Variants in AUTS2 observed in about 807,000 individuals in gnomAD.
AUTS2 encodes the protein autism susceptibility gene 2 protein.
AUTS2 carries 17 observed loss-of-function variants against 112.4 expected under a neutral mutation model. The observed-to-expected ratio is 0.15, with a 90% CI of 0.10 to 0.23. The LOEUF (loss-of-function observed/expected upper bound fraction) is 0.23, where lower values mean the gene tolerates loss of function less well. Ranked by LOEUF, AUTS2 falls within the 10% of genes least tolerant of loss-of-function variation. The pLI is 1.00. For missense variants in AUTS2, 1,510 were observed against 1,701.6 expected (o/e 0.89, Z 1.98); for synonymous variants, 751 against 702.7 (o/e 1.07, Z -1.09).
intron 4 of AUTS2, among the ~76,000 whole-genome samples, chr7:70,193,095 C>T (rs1329895530): frequency 6.6e-6 from 1 of 152,174 alleles, no homozygotes; most frequent in African/African-American, 2.4e-5. Context: ...TCATAGATGG[C>T]ATTCCACTAC....
chr7:69,736,658 G>A (rs981611674), intron 1 of AUTS2, among the ~76,000 whole-genome samples: 1 of 152,190 alleles, frequency 6.6e-6, no homozygotes, highest in African/African-American at 2.4e-5. Flanking sequence ...CAGGCTGTAA[G>A]TCAGCATGGA....
At chr7:69,875,147 G>T (rs369566394) in intron 1 of AUTS2, among the ~76,000 whole-genome samples, 1 of 150,086 alleles carries the variant, frequency 6.7e-6, no homozygotes, top group African/African-American at 2.5e-5. Flanking sequence ...TGAGCTTTTT[G>T]CTCTCTTTTA....
At chr7:69,843,448 T>G (rs1236457074) in intron 1 of AUTS2, among the ~76,000 whole-genome samples, 1 of 152,104 alleles carries the variant, frequency 6.6e-6, no homozygotes, top group Non-Finnish European at 1.5e-5. Flanking sequence ...TTAGAGAAGA[T>G]TATAAACTCC....
intron 6 of AUTS2, among the ~76,000 whole-genome samples, chr7:70,724,878 T>G (rs774869362): frequency 1.3e-5 from 2 of 152,232 alleles, no homozygotes; most frequent in Non-Finnish European, 2.9e-5. Context: ...CATTACAAGG[T>G]GTACCATTGA....
At chr7:70,136,222 T>C (rs1806554327) in intron 4 of AUTS2, among the ~76,000 whole-genome samples, 1 of 152,188 alleles carries the variant, frequency 6.6e-6, no homozygotes, top group Non-Finnish European at 1.5e-5. Context: ...TGGATGAGTA[T>C]AAAAGTTTTC....
intron 5 of AUTS2, among the ~76,000 whole-genome samples, chr7:70,576,010 C>T (rs560821625): frequency 3.3e-5 from 5 of 152,272 alleles, no homozygotes; most frequent in African/African-American, 7.2e-5. Context: ...TATTTATGGT[C>T]AGTGCTTCAT....
At chr7:70,114,039 G>C (rs1034124245) in intron 2 of AUTS2, among the ~76,000 whole-genome samples, 1 of 152,144 alleles carries the variant, frequency 6.6e-6, no homozygotes, top group Non-Finnish European at 1.5e-5. Context: ...AAACAAACTA[G>C]CTTCTTATAT....
chr7:70,153,958 C>A (rs1272471618), intron 4 of AUTS2, among the ~76,000 whole-genome samples: 1 of 152,140 alleles, frequency 6.6e-6, no homozygotes, highest in Non-Finnish European at 1.5e-5. Context: ...AAATGTAGGC[C>A]ACCAGATTGA....
At chr7:70,248,028 T>A (rs759575943) in intron 4 of AUTS2, among the ~76,000 whole-genome samples, 1 of 152,198 alleles carries the variant, frequency 6.6e-6, no homozygotes, top group Non-Finnish European at 1.5e-5. Context: ...AGTAATTGAT[T>A]TTCCAATGTT....
intron 4 of AUTS2, among the ~76,000 whole-genome samples, chr7:70,398,838 G>A (rs1465399429): frequency 6.6e-6 from 1 of 152,028 alleles, no homozygotes; most frequent in African/African-American, 2.4e-5. Flanking sequence ...TTTCCTTTGG[G>A]ATTTTCATAT....
Position 70,049,873 on chromosome 7 carries a change from G to T in AUTS2, c.523-68259G>T, listed in dbSNP as rs73432193. Among the ~76,000 whole-genome samples the T allele has an allele frequency of 8.3e-3, 1,258 of 151,998 alleles. 17 individuals are homozygous for T. The highest frequency in any genetic ancestry group is 0.029 in the African/African-American group (1,221 of 41,440). ...AACAAACGTGTGTGTTTGTGTGTGT[G>T]TATGTGTGTAAAACATATATATGAA... On this transcript the variant is annotated intron_variant, in intron 2 of 18. Coordinates refer to ENST00000342771, the MANE Select transcript of AUTS2 (RefSeq NM_015570.4).
At chr7:70,698,513 G>A in intron 5 of AUTS2, 56 bp from the exon 6 acceptor site, 2 of 1,395,318 alleles carry the variant, frequency 1.4e-6, no homozygotes, top group East Asian at 2.3e-5. Flanking sequence ...AATGTTGATG[G>A]TGATGACAAT....
chr7:70,430,940 A>G lies in AUTS2; in HGVS notation c.661-4812A>G, dbSNP rs989241226. On this transcript the variant is annotated intron_variant, in intron 4 of 18. Coordinates refer to ENST00000342771, the MANE Select transcript of AUTS2 (RefSeq NM_015570.4). Reference sequence around the variant, plus strand: ...AAGCTCCGCCTCCCGGGTTCGCGCCATTCTCCTGCCTCAGCCTCCCAAGTA... The same window carrying G: ...AAGCTCCGCCTCCCGGGTTCGCGCCGTTCTCCTGCCTCAGCCTCCCAAGTA... 1.1e-4 allele frequency among the ~76,000 whole-genome samples: 16 copies of G among 141,444 alleles called. No individual in the cohort carries two copies. The South Asian group carries it at 3.4e-3, about 30-fold the overall frequency. The allele number at this position is 141,444 out of a possible 152,430, so 92.8% of individuals were successfully genotyped here.
At chr7:70,616,230 G>C (rs1804358328) in intron 5 of AUTS2, among the ~76,000 whole-genome samples, 1 of 152,200 alleles carries the variant, frequency 6.6e-6, no homozygotes, top group African/African-American at 2.4e-5. Flanking sequence ...TAGGCCTTAT[G>C]CTAAAACTCT....
intron 4 of AUTS2, among the ~76,000 whole-genome samples, chr7:70,338,315 T>C (rs1406968895): frequency 6.6e-6 from 1 of 152,212 alleles, no homozygotes; most frequent in Non-Finnish European, 1.5e-5. Flanking sequence ...GTCATGGTTT[T>C]GATTGTCATG....
At chr7:69,877,702 A>T (rs544301488) in intron 1 of AUTS2, among the ~76,000 whole-genome samples, 170 of 152,280 alleles carry the variant, frequency 1.1e-3, no homozygotes, top group Admixed American at 2.3e-3. Flanking sequence ...GGGTGAGAAC[A>T]TGCAGTATTT....
At chr7:70,073,760 C>T (rs1308802013) in intron 2 of AUTS2, among the ~76,000 whole-genome samples, 1 of 151,978 alleles carries the variant, frequency 6.6e-6, no homozygotes, top group Admixed American at 6.6e-5. Context: ...ATAGAAATGC[C>T]CTCCTTTGCT....
rs1211292337 is a variant in AUTS2 at position 70,435,747 on chromosome 7, T to G, written c.661-5T>G. ...TAACCCTTATTCTCTTGTCTTCATT[T>G]TCAGTGTGACAGTGACAGTGACCAG... On this transcript the variant is annotated splice_polypyrimidine_tract_variant and splice_region_variant and intron_variant, in intron 4 of 18. Coordinates refer to ENST00000342771, the MANE Select transcript of AUTS2 (RefSeq NM_015570.4). The G allele has an allele frequency of 6.2e-7, 1 of 1,614,138 alleles. No homozygotes were observed. Among genetic ancestry groups the G allele is most frequent in the Admixed American group, 1.7e-5 (1 of 60,024 alleles).
In AUTS2 at chr7:69,743,637, G is replaced by A. The variant is rs142230250; in HGVS notation, c.309+143675G>A. On this transcript the variant is annotated intron_variant, in intron 1 of 18. Coordinates refer to ENST00000342771, the MANE Select transcript of AUTS2 (RefSeq NM_015570.4). ...CCCTTATCTCTTTCCCAGTCAGTCT[G>A]TCATTCTTACATTTGGCCCCAGGCA... Among the ~76,000 whole-genome samples the A allele has an allele frequency of 6.0e-3, 919 of 152,206 alleles. 11 individuals are homozygous for A. Among genetic ancestry groups the A allele is most frequent in the African/African-American group, 0.021 (873 of 41,520 alleles).
Sources: allele counts gnomAD v4.1 joint callset (sites outside exome capture counted in the v4.1 genomes callset), GRCh38; gene constraint gnomAD v4.1.1; transcripts MANE v1.5; gene names NCBI Gene and HGNC (gene_info 2026-07-23, HGNC 2026-07-21).